Variants in CMTM8 observed in about 807,000 individuals in gnomAD.
The protein encoded by CMTM8 is CKLF like MARVEL transmembrane domain containing 8, also known as CKLF-like MARVEL transmembrane domain-containing protein 8.
CMTM8 carries 12 observed loss-of-function variants against 18.6 expected under a neutral mutation model. That is an observed-to-expected ratio of 0.65 (90% CI 0.41 to 1.05). The LOEUF (loss-of-function observed/expected upper bound fraction) is 1.05. Ranked by LOEUF, CMTM8 falls within the 50% of genes least tolerant of loss-of-function variation. The pLI is 0.00. For missense variants in CMTM8, 217 were observed against 227.2 expected, an observed-to-expected ratio of 0.95 and a Z score of 0.29; for synonymous variants, 87 against 90.6, an observed-to-expected ratio of 0.96 and a Z score of 0.23.
At chr3:32,362,022 T>A (rs1696941127) in intron 2 of CMTM8, among the ~76,000 whole-genome samples, 1 of 148,886 alleles carries the variant, frequency 6.7e-6, no homozygotes, top group African/African-American at 2.5e-5. Context: ...CTTTTACCGG[T>A]TAAAGCAGCT....
chr3:32,357,275 A>G, intron 1 of CMTM8, 98 bp from the exon 2 acceptor site: 2 of 915,184 alleles, frequency 2.2e-6, no homozygotes, highest in South Asian at 1.7e-5. Context: ...TGTAATTGAC[A>G]TTCTGTATAA....
intron 1 of CMTM8, among the ~76,000 whole-genome samples, chr3:32,354,579 T>A (rs1402942837): frequency 6.6e-6 from 1 of 152,200 alleles, no homozygotes; most frequent in African/African-American, 2.4e-5. Context: ...AGCCAAGAAC[T>A]GTGAGTTGAG....
At chr3:32,320,577 A>G (rs879694813) in intron 1 of CMTM8, among the ~76,000 whole-genome samples, 2 of 152,262 alleles carry the variant, frequency 1.3e-5, no homozygotes, top group Non-Finnish European at 2.9e-5. Flanking sequence ...TGAATACACT[A>G]AAATCTATTG....
chr3:32,355,842 G>A (rs904753187), intron 1 of CMTM8, among the ~76,000 whole-genome samples: 1 of 152,120 alleles, frequency 6.6e-6, no homozygotes, highest in Non-Finnish European at 1.5e-5. Context: ...CTTTGCCCAC[G>A]CTGTGTCCTC....
intron 1 of CMTM8, among the ~76,000 whole-genome samples, chr3:32,265,206 A>G (rs573013250): frequency 3.9e-5 from 6 of 152,336 alleles, no homozygotes; most frequent in Non-Finnish European, 8.8e-5. Flanking sequence ...GTTGGAAGTA[A>G]AGCACTCCTC....
At chr3:32,291,132 A>AT (rs1055611599) in intron 1 of CMTM8, among the ~76,000 whole-genome samples, 95 of 145,642 alleles carry the variant, frequency 6.5e-4, no homozygotes, top group African/African-American at 1.3e-3. Context: ...TAGAGAAGAA[A>AT]TTTTTTTTTT....
intron 1 of CMTM8, among the ~76,000 whole-genome samples, chr3:32,285,806 C>T (rs542625871): frequency 9.2e-5 from 14 of 152,232 alleles, no homozygotes; most frequent in African/African-American, 2.9e-4. Context: ...TTCTTAACTA[C>T]CTATTTGCTC....
chr3:32,365,232 G>A (rs1697007392), intron 2 of CMTM8, among the ~76,000 whole-genome samples: 1 of 151,734 alleles, frequency 6.6e-6, no homozygotes, highest in African/African-American at 2.4e-5. Context: ...CCATTATCTT[G>A]AGATCTGAGA....
At chr3:32,350,948 C>T (rs557210374) in intron 1 of CMTM8, among the ~76,000 whole-genome samples, 4 of 152,350 alleles carry the variant, frequency 2.6e-5, no homozygotes, top group East Asian at 1.9e-4. Flanking sequence ...TGTGAGCCAC[C>T]GCACCTGGCT....
chr3:32,294,072 G>A (rs1702830271), intron 1 of CMTM8, among the ~76,000 whole-genome samples: 1 of 152,158 alleles, frequency 6.6e-6, no homozygotes, highest in Admixed American at 6.5e-5. Flanking sequence ...GCAGTGACTT[G>A]AGAGGCCAGT....
chr3:32,315,208 C>A (rs1695899702), intron 1 of CMTM8, among the ~76,000 whole-genome samples: 1 of 151,842 alleles, frequency 6.6e-6, no homozygotes, highest in African/African-American at 2.4e-5. Flanking sequence ...CAGCTCACCG[C>A]AACCTCTGCC....
chr3:32,329,929 A>G (rs1583650), intron 1 of CMTM8, among the ~76,000 whole-genome samples: 1 of 152,226 alleles, frequency 6.6e-6, no homozygotes, highest in African/African-American at 2.4e-5. Flanking sequence ...ACACAAAAAA[A>G]TCAGTTGGCA....
chr3:32,359,916 G>T (rs4621363), intron 2 of CMTM8, among the ~76,000 whole-genome samples: 4 of 152,126 alleles, frequency 2.6e-5, no homozygotes, highest in Non-Finnish European at 5.9e-5. Context: ...ACACAGCAGG[G>T]GTCCACATCT....
At chr3:32,346,021 G>C (rs60056590) in intron 1 of CMTM8, among the ~76,000 whole-genome samples, 12,361 of 152,220 alleles carry the variant, frequency 0.081, 597 homozygotes, top group East Asian at 0.18. Context: ...GGGCGTGGTG[G>C]CTCATGCCTG....
chr3:32,255,041 T>C (rs1702159425), intron 1 of CMTM8, among the ~76,000 whole-genome samples: 1 of 152,232 alleles, frequency 6.6e-6, no homozygotes, highest in South Asian at 2.1e-4. Flanking sequence ...TTTTTGTGGC[T>C]TCTTTCACTT....
intron 1 of CMTM8, among the ~76,000 whole-genome samples, chr3:32,286,317 T>C (rs938562925): frequency 6.6e-6 from 1 of 152,164 alleles, no homozygotes; most frequent in African/African-American, 2.4e-5. Flanking sequence ...TTTCAATATA[T>C]AAAAATCTCT....
intron 1 of CMTM8, among the ~76,000 whole-genome samples, chr3:32,331,490 C>G (rs1392417664): frequency 1.3e-5 from 2 of 148,400 alleles, no homozygotes; most frequent in African/African-American, 5.0e-5. Context: ...GAATTAAAGA[C>G]AGGATCTTTG....
intron 1 of CMTM8, among the ~76,000 whole-genome samples, chr3:32,355,755 A>G (rs1358029955): frequency 6.6e-6 from 1 of 152,082 alleles, no homozygotes; most frequent in African/African-American, 2.4e-5. Flanking sequence ...GCTCTCTAAC[A>G]CTTTGCACCA....
intron 1 of CMTM8, among the ~76,000 whole-genome samples, chr3:32,319,862 C>T (rs1027549910): frequency 6.6e-6 from 1 of 152,216 alleles, no homozygotes; most frequent in Admixed American, 6.5e-5. Flanking sequence ...TTTGTCAGCT[C>T]ATGTCAGGAT....
Sources: gnomAD v4.1 joint callset for allele counts (sites outside exome capture counted in the v4.1 genomes callset) on GRCh38, gnomAD v4.1.1 for gene constraint, MANE v1.5 for transcripts, NCBI Gene and HGNC (gene_info 2026-07-23, HGNC 2026-07-21) for gene names.